PATJ: variants seen among roughly 807,000 people sequenced by gnomAD.
PATJ encodes inaD-like protein.
Under a neutral mutation model 224.9 loss-of-function variants are expected in PATJ, and 190 were observed. The observed-to-expected ratio is 0.84, with a 90% CI of 0.75 to 0.95. The LOEUF (loss-of-function observed/expected upper bound fraction) is 0.95, where lower values mean the gene tolerates loss of function less well. Among genes scored for constraint, PATJ ranks in the 40% least tolerant of loss-of-function variants. The pLI, the probability that PATJ is intolerant of heterozygous loss-of-function variation, is 0.00. For missense variants in PATJ, 2,121 were observed against 2,270.3 expected (o/e 0.93, Z 1.34); for synonymous variants, 769 against 820.3 (o/e 0.94, Z 1.07).
At position 61,965,121 on chromosome 1, in the gene PATJ, CAAAAAAAAAAAAAAAAAAAAAAAAA is replaced by C. The variant is rs34267345; in HGVS notation, c.3671-25031_3671-25007del. On this transcript the variant is annotated intron_variant, in intron 27 of 43. Coordinates refer to ENST00000642238, the MANE Select transcript of PATJ (RefSeq NM_001350145.3). ...TGGGCCACTGAAGGAGACTCTGTCT[CAAAAAAAAAAAAAAAAAAAAAAAAA>C]AAAAAAAAAAAAAAAGGAGCCTTCA... 1.1e-4 allele frequency among the ~76,000 whole-genome samples: 6 copies of C among 54,386 alleles called. No individual in the cohort carries two copies. In the East Asian group the frequency reaches 8.3e-3, roughly 76 times the overall value. 35.7% of individuals were successfully genotyped at this position (54,386 alleles called of 152,430 possible). A position where few individuals can be genotyped will look rare whatever the true frequency, so the allele number is the denominator to read the frequency against.
intron 31 of PATJ, among the ~76,000 whole-genome samples, chr1:62,059,280 A>C (rs905288165): frequency 2.0e-5 from 3 of 152,194 alleles, no homozygotes; most frequent in Non-Finnish European, 2.9e-5. Flanking sequence ...ACAGAGGATT[A>C]TAAAGATGAG....
chr1:61,809,920 A>G (rs1254454057), intron 14 of PATJ, among the ~76,000 whole-genome samples: 1 of 147,062 alleles, frequency 6.8e-6, no homozygotes, highest in Non-Finnish European at 1.5e-5. Flanking sequence ...ATCTCAGCTC[A>G]TTGCAACCTT....
intron 21 of PATJ, among the ~76,000 whole-genome samples, chr1:61,878,940 C>T (rs537874686): frequency 9.2e-5 from 14 of 152,192 alleles, no homozygotes; most frequent in African/African-American, 2.9e-4. Context: ...TGTGCCACCA[C>T]ACCCGGCTAA....
intron 28 of PATJ, chr1:61,991,576 C>T (rs760719163): frequency 3.0e-5 from 30 of 985,234 alleles, no homozygotes; most frequent in South Asian, 4.7e-5. Context: ...GGAAGACCAT[C>T]GCCATCAACT....
intron 28 of PATJ, among the ~76,000 whole-genome samples, chr1:62,006,358 C>T (rs1646096645): frequency 6.6e-6 from 1 of 152,212 alleles, no homozygotes; most frequent in South Asian, 2.1e-4. Flanking sequence ...TCAGGCAATC[C>T]ACCCGCCTTG....
rs977544291 is a variant in PATJ, at chr1:62,018,682, G to A, written c.3959+735G>A. 1.3e-5 allele frequency among the ~76,000 whole-genome samples: 2 copies of A among 152,080 alleles called. No individual in the cohort carries two copies. The highest frequency in any genetic ancestry group is 2.9e-5 in the Non-Finnish European group (2 of 68,026). On this transcript the variant is annotated intron_variant, in intron 29 of 43. Transcript: ENST00000642238. This position sits in a 1 kb window ranked among gnomAD's most constrained non-coding sequence, Gnocchi z 4.2. ...GACTCAGTTATCATCTGTAAAATGG[G>A]ATAATAAAGCATCTCCCTCATTCAT...
At chr1:61,835,295 C>A (rs921673290) in intron 17 of PATJ, among the ~76,000 whole-genome samples, 1 of 151,938 alleles carries the variant, frequency 6.6e-6, no homozygotes, top group Non-Finnish European at 1.5e-5. Context: ...TTTCCTTCCC[C>A]ATTGTAGCTA....
chr1:62,065,015 T>A (rs1411460938), intron 31 of PATJ, among the ~76,000 whole-genome samples: 2 of 152,260 alleles, frequency 1.3e-5, no homozygotes, highest in Non-Finnish European at 2.9e-5. Context: ...AGAGTTCAAG[T>A]GCATTCAAAT....
rs368790579 is a variant in PATJ, at chr1:61,764,522, A to G, written c.189+1343A>G. On this transcript the variant is annotated intron_variant, in intron 3 of 43. Coordinates refer to ENST00000642238, the MANE Select transcript of PATJ (RefSeq NM_001350145.3). ...GGTCAGGGATGGCAAATTACTTTTAAATCACCTATTCTGGAAGCTGAACTT... is the reference window on the plus strand; with the variant it reads ...GGTCAGGGATGGCAAATTACTTTTAGATCACCTATTCTGGAAGCTGAACTT... Among the ~76,000 whole-genome samples, 38 of 152,152 alleles carry G rather than the reference A, an allele frequency of 2.5e-4. No homozygotes were observed. In the Middle Eastern group the frequency reaches 0.01, roughly 41 times the overall value.
At chr1:62,085,934 G>T (rs547122454) in intron 33 of PATJ, among the ~76,000 whole-genome samples, 1 of 151,570 alleles carries the variant, frequency 6.6e-6, no homozygotes, top group South Asian at 2.1e-4. Context: ...AGAAGTCGGT[G>T]TAGAATATTA....
chr1:61,912,455 G>A (rs961253323), intron 25 of PATJ, among the ~76,000 whole-genome samples: 3 of 151,632 alleles, frequency 2.0e-5, no homozygotes, highest in African/African-American at 7.3e-5. Context: ...GTAGCTGAGT[G>A]CGGTGGTTTA....
At chr1:61,786,689 A>G (rs1406582455) in intron 7 of PATJ, among the ~76,000 whole-genome samples, 2 of 152,082 alleles carry the variant, frequency 1.3e-5, no homozygotes, top group Admixed American at 6.6e-5. Context: ...TCCTATTGAC[A>G]GTTTATTAAA....
At position 61,791,454 on chromosome 1, in the gene PATJ, G is replaced by T; in HGVS notation, c.1168+7G>T. 4 of 1,488,612 alleles carry T rather than the reference G, an allele frequency of 2.7e-6. No homozygotes were observed. The highest frequency in any genetic ancestry group is 2.3e-5 in the South Asian group (2 of 86,598). 92.2% of individuals were successfully genotyped at this position (1,488,612 alleles called of 1,614,324 possible). The stretch of plus-strand genomic sequence containing the variant: ...GTTGGAACATCTCATACAGGTAAAT[G>T]AATCATTTCTATTTTATATTTGGAA... On this transcript the variant is annotated splice_region_variant and intron_variant, in intron 9 of 43. Transcript: ENST00000642238.
chr1:61,936,993 C>A (rs570092211), intron 27 of PATJ, among the ~76,000 whole-genome samples: 2 of 152,100 alleles, frequency 1.3e-5, no homozygotes, highest in African/African-American at 4.8e-5. Flanking sequence ...CAATGCAATT[C>A]GGAACATAAA....
At chr1:61,954,528 C>T (rs1680159395) in intron 27 of PATJ, among the ~76,000 whole-genome samples, 1 of 151,970 alleles carries the variant, frequency 6.6e-6, no homozygotes. Context: ...CAATGTTGAA[C>T]AAAGAGAGGG....
intron 27 of PATJ, among the ~76,000 whole-genome samples, chr1:61,941,003 T>C (rs1677735532): frequency 6.6e-6 from 1 of 152,162 alleles, no homozygotes; most frequent in Admixed American, 6.5e-5. Flanking sequence ...CTTTTTCTCT[T>C]CTTACTCTTT....
At chr1:61,941,552 G>A (rs1207913498) in intron 27 of PATJ, among the ~76,000 whole-genome samples, 1 of 152,144 alleles carries the variant, frequency 6.6e-6, no homozygotes, top group African/African-American at 2.4e-5. Context: ...TTGATAGGCT[G>A]AAGCACGAGA....
chr1:61,927,909 T>C (rs1675461928), intron 27 of PATJ, 80 bp downstream of exon 27: 1 of 1,011,184 alleles, frequency 9.9e-7, no homozygotes, highest in Non-Finnish European at 1.5e-6. Flanking sequence ...TTATCAAATA[T>C]ATGGCTGTGA....
intron 14 of PATJ, among the ~76,000 whole-genome samples, chr1:61,813,681 T>A (rs1427093664): frequency 6.6e-6 from 1 of 152,052 alleles, no homozygotes; most frequent in Non-Finnish European, 1.5e-5. Context: ...AGGTGATATG[T>A]GCCATGGAGA....
Sources: allele counts gnomAD v4.1 joint callset (sites outside exome capture counted in the v4.1 genomes callset), GRCh38; gene constraint gnomAD v4.1.1; non-coding constraint Gnocchi (gnomAD v3.1); transcripts MANE v1.5; gene names NCBI Gene and HGNC (gene_info 2026-07-23, HGNC 2026-07-21).